Variants in CEP295 observed in about 807,000 individuals in gnomAD.
The protein encoded by CEP295 is centrosomal protein of 295 kDa.
In CEP295, 190 loss-of-function variants were observed where a neutral mutation model predicts 291.6. The observed-to-expected ratio is 0.65, with a 90% CI of 0.58 to 0.73. The LOEUF (loss-of-function observed/expected upper bound fraction) is 0.73, where lower values mean the gene tolerates loss of function less well. CEP295 is among the 30% of genes least tolerant of loss of function. The pLI, the probability that CEP295 is intolerant of heterozygous loss-of-function variation, is 0.00. For missense variants in CEP295, 2,863 were observed against 2,949.4 expected, an observed-to-expected ratio of 0.97 and a Z score of 0.68; for synonymous variants, 993 against 1,038.8, an observed-to-expected ratio of 0.96 and a Z score of 0.85.
intron 10 of CEP295, among the ~76,000 whole-genome samples, chr11:93,688,501 T>C (rs1014902938): frequency 3.9e-5 from 6 of 152,224 alleles, no homozygotes; most frequent in Admixed American, 3.3e-4. Flanking sequence ...ATTTGGGTTT[T>C]GGATTTTATC....
At chr11:93,728,448 G>A in intron 24 of CEP295, 1 of 389,322 alleles carries the variant, frequency 2.6e-6, no homozygotes, top group Non-Finnish European at 4.6e-6. Context: ...TCAGTCCATT[G>A]TCACACTATT....
Position 93,687,806 on chromosome 11 carries a change from C to T in CEP295, c.1277C>T (p.Thr426Met), listed in dbSNP as rs1432121770. ...AGTGAAATTGAGAGTAAAGCACCAA[C>T]GGTTGAGTCAGGAACAATTGCCAGC... The part of the protein sequence containing the change: ...TVSEIESKAP[T>M]VESGTIASKE... The change falls in exon 10 of 30, where the codon ACG becomes ATG. Residue 426 changes from threonine (T) to methionine (M), a missense_variant. Thr to Met is a moderately conservative substitution (Grantham distance 81). Coordinates refer to ENST00000325212, the MANE Select transcript of CEP295 (RefSeq NM_033395.2). 4.5e-6 allele frequency: 7 copies of T among 1,551,292 alleles called. No homozygotes were observed. Among genetic ancestry groups the T allele is most frequent in the South Asian group, 3.6e-5 (3 of 84,030 alleles).
At chr11:93,712,130 T>C (rs1272829043) in intron 18 of CEP295, among the ~76,000 whole-genome samples, 1 of 152,174 alleles carries the variant, frequency 6.6e-6, no homozygotes, top group Non-Finnish European at 1.5e-5. Context: ...GTCTGGATGC[T>C]CCAGTGTTGG....
At chr11:93,705,602 A>G (rs949075272) in intron 17 of CEP295, among the ~76,000 whole-genome samples, 4 of 152,128 alleles carry the variant, frequency 2.6e-5, no homozygotes, top group East Asian at 3.9e-4. Context: ...GCATCCTGCT[A>G]TTGTTTCATG....
intron 21 of CEP295, chr11:93,723,770 C>T (rs886547545): frequency 6.4e-6 from 1 of 157,390 alleles, no homozygotes; most frequent in East Asian, 1.9e-4. Context: ...TAAGCTTATA[C>T]TGAAGCAGTG....
At chr11:93,710,000 A>G (rs1403731894) in intron 18 of CEP295, among the ~76,000 whole-genome samples, 1 of 152,196 alleles carries the variant, frequency 6.6e-6, no homozygotes, top group Non-Finnish European at 1.5e-5. Flanking sequence ...GTATCCTGCA[A>G]CCGTACTGAA....
chr11:93,726,223 T>C (rs1225598853), intron 23 of CEP295, among the ~76,000 whole-genome samples: 1 of 152,176 alleles, frequency 6.6e-6, no homozygotes, highest in Non-Finnish European at 1.5e-5. Flanking sequence ...CTCCGCCTGC[T>C]GGGTTCAAGT....
In CEP295 at chr11:93,706,729, A is replaced by T. The variant is rs1565197164; in HGVS notation, c.5597-16A>T. 6.7e-7 allele frequency: 1 copy of T among 1,502,212 alleles called. No individual in the cohort carries two copies. The highest frequency in any genetic ancestry group is 2.5e-5 in the East Asian group (1 of 40,256). The allele number at this position is 1,502,212 out of a possible 1,614,324, so 93.1% of individuals were successfully genotyped here. ...TAGTTCCAGAAATTGAAGTGGAAAT[A>T]TTTTTTCCCCCCCAGGTAAACCAGG... On this transcript the variant is annotated splice_polypyrimidine_tract_variant and intron_variant, in intron 17 of 29. Coordinates refer to ENST00000325212, the MANE Select transcript of CEP295 (RefSeq NM_033395.2).
chr11:93,696,869 T>C lies in CEP295; in HGVS notation c.1957T>C (p.Leu653=), dbSNP rs1332143283. The change falls in exon 15 of 30, where the codon TTG becomes CTG. Residue 653 remains leucine, a synonymous_variant. Transcript: ENST00000325212. The part of the protein sequence containing the change: ...EHWDQGQRLK[L]SPNKYQPIQP... ...TTGGGATCAAGGTCAGAGACTCAAG[T>C]TGAGTCCTAACAAATACCAACCCAT... 4.5e-6 allele frequency: 7 copies of C among 1,551,744 alleles called. No individual in the cohort carries two copies. Among genetic ancestry groups the C allele is most frequent in the Non-Finnish European group, 6.1e-6 (7 of 1,147,002 alleles).
intron 9 of CEP295, among the ~76,000 whole-genome samples, chr11:93,687,209 C>G (rs560215420): frequency 2.3e-4 from 35 of 152,278 alleles, no homozygotes; most frequent in African/African-American, 7.0e-4. Context: ...ATGTTTTCCT[C>G]TGTAGCTCAC....
Position 93,713,380 on chromosome 11 carries a change from G to A in CEP295, c.5749+6483G>A, listed in dbSNP as rs1304702934. Among the ~76,000 whole-genome samples, 3 of 152,208 alleles carry A rather than the reference G, an allele frequency of 2.0e-5. No individual in the cohort carries two copies. In the East Asian group the frequency reaches 5.8e-4, roughly 29 times the overall value. On this transcript the variant is annotated intron_variant, in intron 18 of 29. Transcript: ENST00000325212. ...TCCCTTGATTATCCCTTGTAGGACAGGTCTGGTTTTGATTAAATCCCTCAG... is the reference window on the plus strand; with the variant it reads ...TCCCTTGATTATCCCTTGTAGGACAAGTCTGGTTTTGATTAAATCCCTCAG...
In CEP295 at chr11:93,696,941, G is replaced by T. The variant is rs1408025346; in HGVS notation, c.2029G>T (p.Ala677Ser). 1.3e-6 allele frequency: 2 copies of T among 1,552,010 alleles called. No homozygotes were observed. Among genetic ancestry groups the T allele is most frequent in the South Asian group, 2.4e-5 (2 of 84,058 alleles). The stretch of plus-strand genomic sequence containing the variant: ...ATTAGAACAAGATCATTTTCAGGTA[G>T]CGAGACAAAATCACTTTCCACAAAG... Reference protein sequence around the residue: ...SKLEQDHFQVARQNHFPQRQV... With the variant: ...SKLEQDHFQVSRQNHFPQRQV... Residue 677 changes from alanine (A) to serine (S), a missense_variant, in exon 15 of 30, where the codon GCG (alanine) becomes TCG (serine). By Grantham distance (99) the Ala-to-Ser change is moderately conservative. Around this residue, in one of 3 missense-constraint regions of CEP295, gnomAD observed 2,295 missense variants for 2,335.7 expected, o/e 0.98. Transcript: ENST00000325212.
At chr11:93,726,141 GT>G (rs1954119651) in intron 23 of CEP295, among the ~76,000 whole-genome samples, 2 of 151,406 alleles carry the variant, frequency 1.3e-5, no homozygotes, top group East Asian at 3.9e-4. Flanking sequence ...TTTTTATTTT[GT>G]TTTTGAAGAC....
At position 93,729,667 on chromosome 11, in the gene CEP295, AAGAGGAAAAAATCATT is replaced by A; in HGVS notation, c.7454_7469del (p.Lys2485IlefsTer12). On this transcript the variant is annotated frameshift_variant, in exon 27 of 30. Transcript: ENST00000325212. LOFTEE classifies it high-confidence loss of function. ...AGGGAGCTTACAAGAAGCATTTATAAAGAGGAAAAAATCATTTATGGAGAGATCCCACCAGAGGCAG... is the reference window on the plus strand; with the variant it reads ...AGGGAGCTTACAAGAAGCATTTATAATATGGAGAGATCCCACCAGAGGCAG... 1 of 1,551,056 alleles carries A rather than the reference AAGAGGAAAAAATCATT, an allele frequency of 6.4e-7. No individual in the cohort carries two copies. Among genetic ancestry groups the A allele is most frequent in the Non-Finnish European group, 8.7e-7 (1 of 1,146,738 alleles).
intron 10 of CEP295, among the ~76,000 whole-genome samples, chr11:93,691,181 T>TCTGC (rs146283359): frequency 0.038 from 5,759 of 152,318 alleles, 240 homozygotes; most frequent in African/African-American, 0.1. Context: ...ATCCCCAGCA[T>TCTGC]CTGCCACATA....
At position 93,687,650 on chromosome 11, in the gene CEP295, T is replaced by G; in HGVS notation, c.1121T>G (p.Leu374Trp). Reference sequence around the variant, plus strand: ...CCCTTTTTCTTTCTTTTAGTTCCCTTGGTAATGAAGACCCAACAGATTCCT... The same window carrying G: ...CCCTTTTTCTTTCTTTTAGTTCCCTGGGTAATGAAGACCCAACAGATTCCT... ...EICSSETDVP[L>W]VMKTQQIPSK... Residue 374 changes from leucine to tryptophan, a missense_variant, in exon 10 of 30, where the codon TTG (leucine) becomes TGG (tryptophan). By Grantham distance (61) the Leu-to-Trp change is moderately conservative. This residue lies in a region of CEP295 where 554 missense variants were observed against 576.0 expected (regional missense o/e 0.96). Coordinates refer to ENST00000325212, the MANE Select transcript of CEP295 (RefSeq NM_033395.2). 6.7e-7 allele frequency: 1 copy of G among 1,498,164 alleles called. No homozygotes were observed. Among genetic ancestry groups the G allele is most frequent in the Non-Finnish European group, 9.0e-7 (1 of 1,109,908 alleles). 92.8% of individuals were successfully genotyped at this position (1,498,164 alleles called of 1,614,324 possible).
chr11:93,679,684 C>G, intron 7 of CEP295, 132 bp downstream of exon 7: 1 of 661,852 alleles, frequency 1.5e-6, no homozygotes. Context: ...CATATGATTT[C>G]AAGTTTCCCA....
chr11:93,710,194 G>A (rs1265931212), intron 18 of CEP295, among the ~76,000 whole-genome samples: 1 of 151,912 alleles, frequency 6.6e-6, no homozygotes, highest in Non-Finnish European at 1.5e-5. Context: ...GTGAAAGCAG[G>A]CATCCTTGTG....
At chr11:93,711,388 TTC>T (rs1386933695) in intron 18 of CEP295, among the ~76,000 whole-genome samples, 1 of 152,232 alleles carries the variant, frequency 6.6e-6, no homozygotes, top group African/African-American at 2.4e-5. Context: ...ACTGTTTAAC[TTC>T]CATGTGTTTG....
Sources: allele counts gnomAD v4.1 joint callset (sites outside exome capture counted in the v4.1 genomes callset), GRCh38; gene constraint gnomAD v4.1.1; regional missense constraint gnomAD v4.1.1; transcripts MANE v1.5; gene names NCBI Gene and HGNC (gene_info 2026-07-23, HGNC 2026-07-21).